The following ANKUB1 variants were observed in gnomAD, a reference collection of about 807,000 sequenced individuals.
The protein encoded by ANKUB1 is ankyrin repeat and ubiquitin domain containing 1, also known as protein ANKUB1.
In ANKUB1, 42 loss-of-function variants were observed where a neutral mutation model predicts 49.3. That is an observed-to-expected ratio of 0.85 (90% CI 0.67 to 1.10). The LOEUF is 1.10. ANKUB1 is among the 50% of genes least tolerant of loss of function. The pLI, the probability that ANKUB1 is intolerant of heterozygous loss-of-function variation, is 0.00. For missense variants in ANKUB1, 613 were observed against 642.0 expected, an observed-to-expected ratio of 0.95 and a Z score of 0.49; for synonymous variants, 222 against 231.0, an observed-to-expected ratio of 0.96 and a Z score of 0.35.
At position 149,792,337 on chromosome 3, in the gene ANKUB1, AG is replaced by A; in HGVS notation, c.29del (p.Ser10PhefsTer18). 2 of 1,526,910 alleles carry A rather than the reference AG, an allele frequency of 1.3e-6. No homozygotes were observed. Among genetic ancestry groups the A allele is most frequent in the Non-Finnish European group, 1.8e-6 (2 of 1,133,750 alleles). The allele number at this position is 1,526,910 out of a possible 1,614,324, so 94.6% of individuals were successfully genotyped here. On this transcript the variant is annotated frameshift_variant, in exon 1 of 6. Coordinates refer to ENST00000446160, the MANE Select transcript of ANKUB1 (RefSeq NM_001144960.3). LOFTEE classifies it high-confidence loss of function. ...CTGCTGAAACATCAAACGGTTCAAA[AG>A]ATCCTTCAAAGGCGATGAAAATCCT... MRIFIAFEG[S>X]FEPFDVSADE...
At chr3:149,766,082 A>G (rs1717001977) in intron 5 of ANKUB1, among the ~76,000 whole-genome samples, 1 of 152,198 alleles carries the variant, frequency 6.6e-6, no homozygotes, top group African/African-American at 2.4e-5. Flanking sequence ...CTATATTTCT[A>G]ACTGTAAAAT....
At chr3:149,790,544 G>C (rs1718314079) in intron 2 of ANKUB1, among the ~76,000 whole-genome samples, 2 of 152,174 alleles carry the variant, frequency 1.3e-5, no homozygotes, top group African/African-American at 4.8e-5. Flanking sequence ...AGGCAATAAA[G>C]GGTGTGGGGA....
chr3:149,788,340 G>A (rs185636577), intron 2 of ANKUB1, among the ~76,000 whole-genome samples: 3 of 151,822 alleles, frequency 2.0e-5, no homozygotes, highest in Admixed American at 1.3e-4. Flanking sequence ...AACTCTGTGT[G>A]TTGTCCAGTC....
At position 149,767,166 on chromosome 3, in the gene ANKUB1, G is replaced by A; in HGVS notation, c.1496C>T (p.Ala499Val). ...AAGGGGAGAACATTACCTTGCCACA[G>A]CTAAGCAGTAGATTGCGTTCTCCCA... Reference protein sequence around the residue: ...TPWENAIYCLAVASAFKEKRW... With the variant: ...TPWENAIYCLVVASAFKEKRW... The change falls in exon 5 of 6, where the codon GCT (alanine) becomes GTT (valine). Residue 499 changes from alanine (A) to valine (V), a missense_variant. Transcript: ENST00000446160. The A allele has an allele frequency of 1.3e-6, 2 of 1,522,162 alleles. No homozygotes were observed. Among genetic ancestry groups the A allele is most frequent in the Non-Finnish European group, 1.8e-6 (2 of 1,135,750 alleles). The allele number at this position is 1,522,162 out of a possible 1,614,324, so 94.3% of individuals were successfully genotyped here.
intron 2 of ANKUB1, chr3:149,783,709 C>T (rs1051386597): frequency 1.3e-5 from 2 of 152,126 alleles, no homozygotes; most frequent in Non-Finnish European, 2.9e-5. Context: ...TGAACTATTC[C>T]AGAGTGAACA....
intron 2 of ANKUB1, among the ~76,000 whole-genome samples, chr3:149,786,229 G>A (rs1718094256): frequency 6.6e-6 from 1 of 152,138 alleles, no homozygotes; most frequent in South Asian, 2.1e-4. Flanking sequence ...TAGAAACGGG[G>A]TTTCACTGTG....
At chr3:149,779,170 G>A (rs1420138922) in intron 3 of ANKUB1, 1 of 150,746 alleles carries the variant, frequency 6.6e-6, no homozygotes, top group Non-Finnish European at 1.5e-5. Flanking sequence ...TGACCTGGAA[G>A]TACAGATTTT....
At chr3:149,770,478 T>C (rs917566450) in intron 4 of ANKUB1, 82 bp downstream of exon 4, 3 of 994,494 alleles carry the variant, frequency 3.0e-6, no homozygotes, top group Non-Finnish European at 4.6e-6. Context: ...GTAGAGTGAG[T>C]GAATTGCAGG....
At chr3:149,787,378 A>G (rs1718153901) in intron 2 of ANKUB1, among the ~76,000 whole-genome samples, 1 of 152,020 alleles carries the variant, frequency 6.6e-6, no homozygotes, top group Non-Finnish European at 1.5e-5. Context: ...TCTGTCTGTT[A>G]TAGGTGTATA....
chr3:149,774,475 G>A (rs1717501719), intron 3 of ANKUB1, among the ~76,000 whole-genome samples: 1 of 152,164 alleles, frequency 6.6e-6, no homozygotes, highest in African/African-American at 2.4e-5. Flanking sequence ...GTCTATAGAT[G>A]GGATTTTCCT....
chr3:149,785,110 A>G (rs187071706), intron 2 of ANKUB1, among the ~76,000 whole-genome samples: 4 of 152,318 alleles, frequency 2.6e-5, no homozygotes. Flanking sequence ...ATAGGAACAC[A>G]GTGAACCGCA....
intron 2 of ANKUB1, among the ~76,000 whole-genome samples, chr3:149,788,280 A>G (rs1346905647): frequency 6.6e-6 from 1 of 152,218 alleles, no homozygotes; most frequent in Non-Finnish European, 1.5e-5. Context: ...ACCTGACAGC[A>G]TGAAGAGTAC....
intron 3 of ANKUB1, among the ~76,000 whole-genome samples, chr3:149,773,288 T>C (rs1042055489): frequency 6.6e-6 from 1 of 152,206 alleles, no homozygotes; most frequent in Non-Finnish European, 1.5e-5. Context: ...CCTCTGTTAC[T>C]CCTTACTCTG....
chr3:149,791,035 G>C (rs1234258274), intron 1 of ANKUB1, 111 bp from the exon 2 acceptor site: 2 of 1,114,664 alleles, frequency 1.8e-6, no homozygotes, highest in African/African-American at 3.2e-5. Context: ...AATTGTTTGG[G>C]ACAAAGGGAA....
At chr3:149,762,052 T>C (rs1716805425) in intron 5 of ANKUB1, among the ~76,000 whole-genome samples, 2 of 152,242 alleles carry the variant, frequency 1.3e-5, no homozygotes, top group African/African-American at 2.4e-5. Flanking sequence ...TGTTTTATGA[T>C]AGTTATTCTC....
At chr3:149,775,210 G>A (rs1204229024) in intron 3 of ANKUB1, among the ~76,000 whole-genome samples, 2 of 152,092 alleles carry the variant, frequency 1.3e-5, no homozygotes, top group African/African-American at 2.4e-5. Flanking sequence ...TGGATTCCTC[G>A]TTCATACCCC....
intron 1 of ANKUB1, among the ~76,000 whole-genome samples, chr3:149,791,806 T>C (rs1718371191): frequency 6.6e-6 from 1 of 152,192 alleles, no homozygotes; most frequent in South Asian, 2.1e-4. Context: ...AGAGCTTCAG[T>C]TTTTTCTGAA....
intron 3 of ANKUB1, among the ~76,000 whole-genome samples, chr3:149,773,791 C>T (rs571570481): frequency 7.9e-5 from 12 of 151,992 alleles, no homozygotes; most frequent in East Asian, 3.9e-4. Context: ...CCTCCACAGC[C>T]GAGGCTACAC....
At chr3:149,768,162 C>G (rs1261588290) in intron 4 of ANKUB1, 67 bp from the exon 5 acceptor site, 1 of 1,069,406 alleles carries the variant, frequency 9.4e-7, no homozygotes, top group African/African-American at 1.6e-5. Context: ...TGTAGTTACA[C>G]TAAATGCTCA....
Sources: allele counts gnomAD v4.1 joint callset (sites outside exome capture counted in the v4.1 genomes callset), GRCh38; gene constraint gnomAD v4.1.1; transcripts MANE v1.5; gene names NCBI Gene and HGNC (gene_info 2026-07-23, HGNC 2026-07-21).